The following KIAA1328 variants were observed in gnomAD, a reference collection of about 807,000 sequenced individuals.
The protein encoded by KIAA1328 is protein hinderin.
In KIAA1328, 52 loss-of-function variants were observed where a neutral mutation model predicts 68.1. The observed-to-expected ratio is 0.76, with a 90% CI of 0.61 to 0.96. The LOEUF (loss-of-function observed/expected upper bound fraction) is 0.96. KIAA1328 is among the 40% of genes least tolerant of loss of function. The probability of loss-of-function intolerance (pLI) is 0.00; values close to 1 mark genes in which losing one functional copy is unlikely to be tolerated. For missense variants in KIAA1328, 641 were observed against 677.6 expected, an observed-to-expected ratio of 0.95 and a Z score of 0.60; for synonymous variants, 232 against 239.4, an observed-to-expected ratio of 0.97 and a Z score of 0.28.
intron 9 of KIAA1328, among the ~76,000 whole-genome samples, chr18:37,199,842 G>T (rs898923395): frequency 2.6e-5 from 4 of 152,148 alleles, no homozygotes; most frequent in Non-Finnish European, 5.9e-5. Context: ...TTTCTTTAAT[G>T]ATCAATGATG....
intron 5 of KIAA1328, among the ~76,000 whole-genome samples, chr18:36,931,570 A>G (rs1437875275): frequency 6.6e-6 from 1 of 152,064 alleles, no homozygotes; most frequent in Non-Finnish European, 1.5e-5. Flanking sequence ...TGATCTAGGT[A>G]TCTTGACCTT....
intron 5 of KIAA1328, chr18:36,946,118 A>T (rs921767800): frequency 1.3e-5 from 2 of 152,194 alleles, no homozygotes; most frequent in Non-Finnish European, 2.9e-5. Context: ...CCTATACTTC[A>T]GTAGTTAGCC....
chr18:36,856,032 T>C (rs1012932393), intron 4 of KIAA1328, among the ~76,000 whole-genome samples: 4 of 152,074 alleles, frequency 2.6e-5, no homozygotes, highest in African/African-American at 9.7e-5. Flanking sequence ...GCCTTCATGG[T>C]TTCTCATTAG....
At chr18:37,008,088 G>GTT (rs914631000) in intron 6 of KIAA1328, among the ~76,000 whole-genome samples, 1 of 152,208 alleles carries the variant, frequency 6.6e-6, no homozygotes, top group Admixed American at 6.5e-5. Context: ...CAGTTTCCAA[G>GTT]TTTTTTCTCC....
intron 9 of KIAA1328, among the ~76,000 whole-genome samples, chr18:37,216,016 G>A (rs537651596): frequency 4.6e-5 from 7 of 152,024 alleles, no homozygotes; most frequent in South Asian, 4.2e-4. Context: ...ATTTTTTATC[G>A]CATCTCTTTG....
chr18:37,070,449 A>C (rs980669776), intron 7 of KIAA1328, among the ~76,000 whole-genome samples: 73 of 152,054 alleles, frequency 4.8e-4, no homozygotes, highest in African/African-American at 1.5e-3. Context: ...TTTTCCTATT[A>C]GTTCTATTAG....
chr18:36,908,436 C>T (rs1465171092), intron 5 of KIAA1328, among the ~76,000 whole-genome samples: 10 of 152,112 alleles, frequency 6.6e-5, no homozygotes, highest in Non-Finnish European at 1.3e-4. Context: ...AGCTCACTCG[C>T]TCAAGCAATC....
intron 6 of KIAA1328, among the ~76,000 whole-genome samples, chr18:36,973,369 A>C (rs1159402747): frequency 1.3e-5 from 2 of 152,158 alleles, no homozygotes; most frequent in African/African-American, 4.8e-5. Flanking sequence ...GGTATACCTA[A>C]TGTAAATGAC....
chr18:36,949,396 C>T (rs1295783884), intron 5 of KIAA1328, among the ~76,000 whole-genome samples: 1 of 152,084 alleles, frequency 6.6e-6, no homozygotes, highest in African/African-American at 2.4e-5. Context: ...AATCAAAGTT[C>T]TGGTCCATCT....
intron 6 of KIAA1328, among the ~76,000 whole-genome samples, chr18:37,030,951 G>C (rs2054801964): frequency 6.6e-6 from 1 of 151,802 alleles, no homozygotes; most frequent in Non-Finnish European, 1.5e-5. Flanking sequence ...TCTGTCCTTG[G>C]GATAGTTTGC....
At chr18:37,018,622 A>G (rs2054233799) in intron 6 of KIAA1328, among the ~76,000 whole-genome samples, 1 of 152,168 alleles carries the variant, frequency 6.6e-6, no homozygotes, top group African/African-American at 2.4e-5. Flanking sequence ...GTTTCTTTAC[A>G]TAATCCCAAG....
chr18:37,095,144 TCAA>T (rs1347388667), intron 7 of KIAA1328, among the ~76,000 whole-genome samples: 1 of 152,148 alleles, frequency 6.6e-6, no homozygotes, highest in Non-Finnish European at 1.5e-5. Flanking sequence ...GTTGGGAACT[TCAA>T]CACTCCACTT....
intron 7 of KIAA1328, among the ~76,000 whole-genome samples, chr18:37,098,100 C>G (rs965700147): frequency 6.6e-6 from 1 of 152,152 alleles, no homozygotes; most frequent in African/African-American, 2.4e-5. Context: ...GCCAGAACTT[C>G]CAATACTATG....
In KIAA1328 at chr18:36,868,761, C is replaced by T. The variant is rs151247379; in HGVS notation, c.333-16796C>T. Among the ~76,000 whole-genome samples, 377 of 152,248 alleles carry T rather than the reference C, an allele frequency of 2.5e-3. 2 individuals carry two copies. The highest frequency in any genetic ancestry group is 8.2e-3 in the African/African-American group (340 of 41,548). On this transcript the variant is annotated intron_variant, in intron 4 of 9. Coordinates refer to ENST00000280020, the MANE Select transcript of KIAA1328 (RefSeq NM_020776.3). ...CATTGTTCCCCAGTGAATACTTGGG[C>T]ACTAACTCATTTGAGGACATGGTTC...
chr18:37,006,410 A>G (rs1291047744), intron 6 of KIAA1328, among the ~76,000 whole-genome samples: 4 of 152,170 alleles, frequency 2.6e-5, no homozygotes, highest in Non-Finnish European at 4.4e-5. Flanking sequence ...AAAATGCGTC[A>G]GATTATTTTA....
chr18:37,204,972 T>C (rs1171291787), intron 9 of KIAA1328, among the ~76,000 whole-genome samples: 1 of 151,974 alleles, frequency 6.6e-6, no homozygotes, highest in Non-Finnish European at 1.5e-5. Flanking sequence ...CTTGTTGTTG[T>C]TGTTGTTGTT....
chr18:37,219,721 G>A (rs1055663526), intron 9 of KIAA1328, among the ~76,000 whole-genome samples: 4 of 152,164 alleles, frequency 2.6e-5, no homozygotes, highest in African/African-American at 9.7e-5. Flanking sequence ...CTATTTTCCA[G>A]GTACTGCCTG....
intron 4 of KIAA1328, among the ~76,000 whole-genome samples, chr18:36,845,601 A>G (rs1281274072): frequency 6.6e-6 from 1 of 151,790 alleles, no homozygotes; most frequent in African/African-American, 2.4e-5. Context: ...ACTCATATAC[A>G]GAATATATAA....
intron 8 of KIAA1328, among the ~76,000 whole-genome samples, chr18:37,165,501 C>G (rs1427151469): frequency 1.3e-5 from 2 of 151,504 alleles, no homozygotes; most frequent in Non-Finnish European, 2.9e-5. Context: ...TTCACTGCAG[C>G]CTCCACCTCC....
Sources: gnomAD v4.1 joint callset for allele counts (sites outside exome capture counted in the v4.1 genomes callset) on GRCh38, gnomAD v4.1.1 for gene constraint, MANE v1.5 for transcripts, NCBI Gene and HGNC (gene_info 2026-07-23, HGNC 2026-07-21) for gene names.